PARD3B: variants seen among roughly 807,000 people sequenced by gnomAD.
PARD3B encodes the protein par-3 family cell polarity regulator beta.
In PARD3B, 103 loss-of-function variants were observed where a neutral mutation model predicts 130.2. That is an observed-to-expected ratio of 0.79 (90% confidence interval 0.67 to 0.93). PARD3B has a LOEUF of 0.93. PARD3B is among the 40% of genes least tolerant of loss of function. The pLI is 0.00. For missense variants in PARD3B, 1,609 were observed against 1,499.2 expected (o/e 1.07, Z -1.21); for synonymous variants, 583 against 553.2 (o/e 1.05, Z -0.76).
chr2:205,022,723 C>A (rs1234191345), intron 3 of PARD3B, among the ~76,000 whole-genome samples: 4 of 152,118 alleles, frequency 2.6e-5, no homozygotes, highest in African/African-American at 9.7e-5. Flanking sequence ...TGTTTTGGGG[C>A]TCAACTCTTC....
chr2:205,451,274 G>A (rs1049187252), intron 20 of PARD3B, among the ~76,000 whole-genome samples: 9 of 152,162 alleles, frequency 5.9e-5, no homozygotes, highest in African/African-American at 2.2e-4. Context: ...TGCTAGTCAA[G>A]TTCATCCCTT....
chr2:205,131,027 T>G (rs1224529228), intron 10 of PARD3B, among the ~76,000 whole-genome samples: 1 of 152,178 alleles, frequency 6.6e-6, no homozygotes, highest in Non-Finnish European at 1.5e-5. Flanking sequence ...AAAGTTCACA[T>G]CTTGAAATGT....
chr2:204,808,098 A>G (rs1225352443), intron 2 of PARD3B, among the ~76,000 whole-genome samples: 1 of 152,060 alleles, frequency 6.6e-6, no homozygotes, highest in Non-Finnish European at 1.5e-5. Context: ...TATCTACTAT[A>G]TATTCATAAA....
At position 204,558,516 on chromosome 2, in the gene PARD3B, C is replaced by T. The variant is rs532663098; in HGVS notation, c.120+12397C>T. On this transcript the variant is annotated intron_variant, in intron 1 of 22. Coordinates refer to ENST00000406610, the MANE Select transcript of PARD3B (RefSeq NM_001302769.2). Reference sequence around the variant, plus strand: ...TGAAGGACCTCTTCAAGGAGAATTACAAAACACTGCTCGACAAAATAAAAG... The same window carrying T: ...TGAAGGACCTCTTCAAGGAGAATTATAAAACACTGCTCGACAAAATAAAAG... 7.2e-5 allele frequency among the ~76,000 whole-genome samples: 11 copies of T among 152,250 alleles called. No homozygotes were observed. In the East Asian group the frequency reaches 1.2e-3, roughly 16 times the overall value.
chr2:204,573,077 A>C (rs147612646), intron 1 of PARD3B, among the ~76,000 whole-genome samples: 37 of 152,328 alleles, frequency 2.4e-4, no homozygotes, highest in African/African-American at 8.4e-4. Context: ...GGACAGCTCA[A>C]CTTGGCTGGT....
rs1032005320 is a variant in PARD3B, at chr2:205,280,143, T to C, written c.2186-20387T>C. 1.3e-5 allele frequency among the ~76,000 whole-genome samples: 2 copies of C among 152,162 alleles called. No homozygotes were observed. The highest frequency in any genetic ancestry group is 1.3e-4 in the Admixed American group (2 of 15,272). ...GTTGCCATTCTCTGACATAAATAGC[T>C]CTCATATAATACCTTTCAGGGAAAA... On this transcript the variant is annotated intron_variant, in intron 16 of 22. Coordinates refer to ENST00000406610, the MANE Select transcript of PARD3B (RefSeq NM_001302769.2). This position sits in a 1 kb window ranked among gnomAD's most constrained non-coding sequence, Gnocchi z 4.7.
rs2125203482 is a variant in PARD3B at position 204,669,785 on chromosome 2, G to A, written c.121-16396G>A. ...AGAAATGGGAAGGGAAGGGGTGGAA[G>A]GTGAGGAAAAGAGTAAGGGCTGCCA... On this transcript the variant is annotated intron_variant, in intron 1 of 22. Coordinates refer to ENST00000406610, the MANE Select transcript of PARD3B (RefSeq NM_001302769.2). The surrounding 1 kb of genome is among the most constrained non-coding windows in gnomAD (Gnocchi z 4.3). Among the ~76,000 whole-genome samples the A allele has an allele frequency of 6.6e-6, 1 of 152,206 alleles. No homozygotes were observed. Among genetic ancestry groups the A allele is most frequent in the Admixed American group, 6.6e-5 (1 of 15,266 alleles).
intron 15 of PARD3B, among the ~76,000 whole-genome samples, chr2:205,209,557 A>C (rs1559545242): frequency 6.6e-6 from 1 of 151,250 alleles, no homozygotes; most frequent in South Asian, 2.1e-4. Flanking sequence ...AAAATGTTAT[A>C]TATAATGTGC....
At chr2:205,507,194 G>GGATT (rs2050400247) in intron 21 of PARD3B, among the ~76,000 whole-genome samples, 2 of 25,334 alleles carry the variant, frequency 7.9e-5, no homozygotes, top group Non-Finnish European at 1.1e-4. Flanking sequence ...GACAGGTGCA[G>GGATT]TATTTTTTTT....
intron 1 of PARD3B, among the ~76,000 whole-genome samples, chr2:204,574,944 T>A (rs1386829991): frequency 6.6e-6 from 1 of 152,216 alleles, no homozygotes; most frequent in East Asian, 1.9e-4. Flanking sequence ...ATTTAATAAG[T>A]TGTTCTTCCA....
chr2:204,825,807 A>G (rs1030030325), intron 2 of PARD3B, among the ~76,000 whole-genome samples: 2 of 152,220 alleles, frequency 1.3e-5, no homozygotes, highest in Non-Finnish European at 1.5e-5. Context: ...CTGAGGATGC[A>G]GAAATGCAGC....
At chr2:205,445,900 A>G (rs1354838031) in intron 20 of PARD3B, among the ~76,000 whole-genome samples, 1 of 152,172 alleles carries the variant, frequency 6.6e-6, no homozygotes, top group African/African-American at 2.4e-5. Context: ...TTGAGTATCC[A>G]CTAAGGGTCA....
chr2:205,035,984 A>T (rs936085499), intron 3 of PARD3B, among the ~76,000 whole-genome samples: 2 of 145,094 alleles, frequency 1.4e-5, no homozygotes, highest in Non-Finnish European at 3.0e-5. Flanking sequence ...TTATATATAT[A>T]GTAGAATATA....
chr2:205,295,498 A>G (rs2041756071), intron 16 of PARD3B, among the ~76,000 whole-genome samples: 1 of 152,220 alleles, frequency 6.6e-6, no homozygotes, highest in Non-Finnish European at 1.5e-5. Flanking sequence ...TGTTATTGGA[A>G]TGTACAAATT....
At chr2:205,102,529 A>G (rs1008763973) in intron 4 of PARD3B, among the ~76,000 whole-genome samples, 1 of 152,134 alleles carries the variant, frequency 6.6e-6, no homozygotes, top group Non-Finnish European at 1.5e-5. Flanking sequence ...TTCAAAAACA[A>G]TCGTCTTTTA....
rs192606961 is a variant in PARD3B, at chr2:204,727,490, G to C, written c.222+41208G>C. Among the ~76,000 whole-genome samples, 1,016 of 152,198 alleles carry C rather than the reference G, an allele frequency of 6.7e-3. 5 individuals are homozygous for C. The highest frequency in any genetic ancestry group is 0.012 in the Non-Finnish European group (791 of 68,002). On this transcript the variant is annotated intron_variant, in intron 2 of 22. Transcript: ENST00000406610. ...TATGTGAATTGTCTGTGGAATGTTTGTTCTGTCAACTGAAGAATGACAAGG... is the reference window on the plus strand; with the variant it reads ...TATGTGAATTGTCTGTGGAATGTTTCTTCTGTCAACTGAAGAATGACAAGG...
intron 15 of PARD3B, among the ~76,000 whole-genome samples, chr2:205,236,303 T>C (rs1042530521): frequency 6.6e-5 from 10 of 152,232 alleles, no homozygotes; most frequent in African/African-American, 2.2e-4. Context: ...TTCTTCCAGA[T>C]AAATAAAGAG....
At chr2:204,868,433 A>G (rs2045509496) in intron 2 of PARD3B, among the ~76,000 whole-genome samples, 1 of 152,186 alleles carries the variant, frequency 6.6e-6, no homozygotes, top group Non-Finnish European at 1.5e-5. Context: ...CTATAGTAGA[A>G]GGATGTTGTA....
At chr2:205,479,778 T>C (rs543929752) in intron 20 of PARD3B, among the ~76,000 whole-genome samples, 5 of 152,272 alleles carry the variant, frequency 3.3e-5, no homozygotes, top group African/African-American at 1.2e-4. Flanking sequence ...TTACTCAGAG[T>C]CAAATCCAAA....
Sources: allele counts gnomAD v4.1 joint callset (sites outside exome capture counted in the v4.1 genomes callset), GRCh38; gene constraint gnomAD v4.1.1; non-coding constraint Gnocchi (gnomAD v3.1); transcripts MANE v1.5; gene names NCBI Gene and HGNC (gene_info 2026-07-23, HGNC 2026-07-21).